The following RALGAPB variants were observed in gnomAD, a reference collection of about 807,000 sequenced individuals.
The protein encoded by RALGAPB is Ral GTPase activating protein non-catalytic subunit beta.
Under a neutral mutation model 161.1 loss-of-function variants are expected in RALGAPB, and 25 were observed. The ratio of observed to expected loss-of-function variants is 0.16; its 90% CI spans 0.11 to 0.22. The LOEUF is 0.22. RALGAPB is among the 10% of genes least tolerant of loss of function. The pLI, the probability that RALGAPB is intolerant of heterozygous loss-of-function variation, is 1.00. For missense variants in RALGAPB, 1,391 were observed against 1,815.2 expected, an observed-to-expected ratio of 0.77 and a Z score of 4.25; for synonymous variants, 629 against 626.1, an observed-to-expected ratio of 1.00 and a Z score of -0.07.
chr20:38,561,649 T>C (rs879911361), intron 23 of RALGAPB, among the ~76,000 whole-genome samples: 3 of 152,190 alleles, frequency 2.0e-5, no homozygotes, highest in Non-Finnish European at 4.4e-5. Flanking sequence ...CTCTCTACCC[T>C]CCCCCTTTTA....
At position 38,575,603 on chromosome 20, in the gene RALGAPB, A is replaced by G. The variant is rs1246743044; in HGVS notation, c.*636A>G. Reference sequence around the variant, plus strand: ...AGTTGTCCTTCTCATCACTGCACAGATCTGTCTGAAAGCCTCAGTTTCTGA... The same window carrying G: ...AGTTGTCCTTCTCATCACTGCACAGGTCTGTCTGAAAGCCTCAGTTTCTGA... On this transcript the variant is annotated 3_prime_UTR_variant, in exon 30 of 30. Coordinates refer to ENST00000262879, the MANE Select transcript of RALGAPB (RefSeq NM_020336.4). 6.5e-6 allele frequency: 1 copy of G among 153,086 alleles called. No homozygotes were observed. Among genetic ancestry groups the G allele is most frequent in the Non-Finnish European group, 1.5e-5 (1 of 68,556 alleles). The allele number at this position is 153,086 out of a possible 1,614,324, so 9.5% of individuals were successfully genotyped here.
intron 28 of RALGAPB, among the ~76,000 whole-genome samples, chr20:38,571,067 G>C (rs1382228896): frequency 2.0e-5 from 3 of 152,148 alleles, no homozygotes; most frequent in Admixed American, 6.5e-5. Context: ...TGATTGACTT[G>C]TTAAAAGCTA....
chr20:38,550,461 C>T (rs921725678), intron 20 of RALGAPB, among the ~76,000 whole-genome samples: 1 of 151,960 alleles, frequency 6.6e-6, no homozygotes. Context: ...TTGGAGGGGG[C>T]AGTACAGAGC....
intron 13 of RALGAPB, among the ~76,000 whole-genome samples, chr20:38,526,398 C>T (rs993825680): frequency 4.6e-5 from 7 of 152,014 alleles, no homozygotes; most frequent in African/African-American, 1.7e-4. Context: ...TCCTCTTCCT[C>T]CTGCCTCTTC....
chr20:38,473,550 T>C (rs1473670689), intron 1 of RALGAPB, among the ~76,000 whole-genome samples: 3 of 152,116 alleles, frequency 2.0e-5, no homozygotes, highest in Non-Finnish European at 4.4e-5. Context: ...GCCATTACGT[T>C]CTCCACGTCT....
chr20:38,521,769 G>A, intron 10 of RALGAPB, 71 bp downstream of exon 10: 1 of 1,473,940 alleles, frequency 6.8e-7, no homozygotes. Context: ...TTGGCCGACT[G>A]AACCGATGAG....
At chr20:38,569,863 CTCTG>C (rs1568986857) in intron 26 of RALGAPB, 21 bp from the exon 27 acceptor site, 4 of 1,583,108 alleles carry the variant, frequency 2.5e-6, no homozygotes, top group Admixed American at 1.7e-5. Context: ...TTTTCCCGCT[CTCTG>C]TCTTCTTCTT....
intron 13 of RALGAPB, among the ~76,000 whole-genome samples, chr20:38,527,770 G>A (rs920544828): frequency 6.6e-6 from 1 of 152,146 alleles, no homozygotes; most frequent in East Asian, 1.9e-4. Context: ...TAATTTCTAC[G>A]ATTGAAGCAG....
intron 28 of RALGAPB, among the ~76,000 whole-genome samples, chr20:38,573,396 T>C (rs542347108): frequency 3.7e-4 from 56 of 152,224 alleles, no homozygotes; most frequent in African/African-American, 1.2e-3. Context: ...AGAAAATTCA[T>C]TGGGTTGCAA....
chr20:38,517,894 A>G lies in RALGAPB; in HGVS notation c.1311A>G (p.Arg437=). 6.2e-7 allele frequency: 1 copy of G among 1,613,936 alleles called. No homozygotes were observed. Among genetic ancestry groups the G allele is most frequent in the South Asian group, 1.1e-5 (1 of 91,080 alleles). The change falls in exon 9 of 30, where the codon AGA becomes AGG. Residue 437 remains arginine (R), a synonymous_variant. Coordinates refer to ENST00000262879, the MANE Select transcript of RALGAPB (RefSeq NM_020336.4). ...CCCGGCCACTGCCTGCCCCTCGGAG[A>G]CCAAAGGTTAACAGCATCTTGAATC... is the stretch of plus-strand genomic sequence containing the variant. ...SEPRPLPAPR[R]PKVNSILNLF...
At chr20:38,485,750 A>G (rs2085094168) in intron 1 of RALGAPB, among the ~76,000 whole-genome samples, 1 of 152,110 alleles carries the variant, frequency 6.6e-6, no homozygotes, top group Non-Finnish European at 1.5e-5. Context: ...TTAGTTTAAT[A>G]GGTACAAAAT....
At chr20:38,532,142 G>A (rs1290280193) in intron 14 of RALGAPB, among the ~76,000 whole-genome samples, 2 of 152,094 alleles carry the variant, frequency 1.3e-5, no homozygotes, top group African/African-American at 2.4e-5. Context: ...TGCAAACTCC[G>A]CCTCCCAGGT....
intron 2 of RALGAPB, among the ~76,000 whole-genome samples, chr20:38,489,244 C>G (rs1170636682): frequency 6.6e-6 from 1 of 152,146 alleles, no homozygotes; most frequent in Admixed American, 6.5e-5. Context: ...AGTGGCACCA[C>G]GGCTCACTGC....
At chr20:38,522,805 G>T (rs1351457359) in intron 10 of RALGAPB, among the ~76,000 whole-genome samples, 2 of 152,206 alleles carry the variant, frequency 1.3e-5, no homozygotes, top group Non-Finnish European at 2.9e-5. Flanking sequence ...AGAAGAAGTT[G>T]TGAGAAGCTA....
rs561683658 is a variant in RALGAPB at position 38,495,818 on chromosome 20, T to C, written c.390-1535T>C. On this transcript the variant is annotated intron_variant, in intron 3 of 29. Coordinates refer to ENST00000262879, the MANE Select transcript of RALGAPB (RefSeq NM_020336.4). The stretch of plus-strand genomic sequence containing the variant: ...ACCCTGCCTCTGAATTTAGGCCTTC[T>C]GAATGAGGAGGAAGGAGCCTCAGTA... Among the ~76,000 whole-genome samples, 4 of 152,324 alleles carry C rather than the reference T, an allele frequency of 2.6e-5. No homozygotes were observed. The East Asian group carries it at 5.8e-4, about 22-fold the overall frequency.
intron 17 of RALGAPB, 88 bp from the exon 18 acceptor site, chr20:38,540,953 G>C: frequency 7.0e-7 from 1 of 1,427,036 alleles, no homozygotes; most frequent in Non-Finnish European, 9.5e-7. Flanking sequence ...CCACCAAAAC[G>C]CAACCACTGT....
intron 21 of RALGAPB, among the ~76,000 whole-genome samples, chr20:38,552,291 C>G (rs1008128406): frequency 6.6e-6 from 1 of 152,060 alleles, no homozygotes; most frequent in African/African-American, 2.4e-5. Flanking sequence ...CAGGCGCATG[C>G]CACCATGCCT....
intron 3 of RALGAPB, among the ~76,000 whole-genome samples, chr20:38,493,499 C>A (rs1216018345): frequency 6.6e-6 from 1 of 152,194 alleles, no homozygotes; most frequent in Non-Finnish European, 1.5e-5. Flanking sequence ...TAATAGGCAT[C>A]TTTCCTATGA....
At chr20:38,485,711 G>A (rs993592589) in intron 1 of RALGAPB, among the ~76,000 whole-genome samples, 2 of 152,142 alleles carry the variant, frequency 1.3e-5, no homozygotes, top group Admixed American at 1.3e-4. Flanking sequence ...ACAGGTGTGA[G>A]CCAGAGTTGA....
Sources: allele counts gnomAD v4.1 joint callset (sites outside exome capture counted in the v4.1 genomes callset), GRCh38; gene constraint gnomAD v4.1.1; transcripts MANE v1.5; gene names NCBI Gene and HGNC (gene_info 2026-07-23, HGNC 2026-07-21).